Variants in TUSC3 observed in about 807,000 individuals in gnomAD.
TUSC3 encodes the protein dolichyl-diphosphooligosaccharide--protein glycosyltransferase subunit TUSC3.
In TUSC3, 45 loss-of-function variants were observed where a neutral mutation model predicts 44.8. That is an observed-to-expected ratio of 1.00 (90% CI 0.79 to 1.29). The LOEUF (loss-of-function observed/expected upper bound fraction) is 1.29, where lower values mean the gene tolerates loss of function less well. Ranked by LOEUF, TUSC3 falls within the 50% of genes most tolerant of loss-of-function variation. The pLI, the probability that TUSC3 is intolerant of heterozygous loss-of-function variation, is 0.00. For missense variants in TUSC3, 519 were observed against 437.9 expected (o/e 1.19, Z -1.65); for synonymous variants, 212 against 152.9 (o/e 1.39, Z -2.85).
At chr8:15,848,429 C>T in the TUSC3 span, among the ~76,000 whole-genome samples, 1 of 152,262 alleles carries the variant, frequency 6.6e-6, no homozygotes, top group Non-Finnish European at 1.5e-5. Context: ...CCAGGGTGTC[C>T]TGCTTTGTGA....
chr8:15,443,731 T>C (rs1041485631), intron 1 of TUSC3, among the ~76,000 whole-genome samples: 13 of 152,136 alleles, frequency 8.5e-5, no homozygotes, highest in Admixed American at 2.0e-4. Flanking sequence ...TGAGAAATTA[T>C]GGTTTAGGAG....
rs1801919562 is a variant in TUSC3, at chr8:15,547,649, GA to G, written c.138+7082del. 3.0e-5 allele frequency among the ~76,000 whole-genome samples: 3 copies of G among 99,560 alleles called. No homozygotes were observed. In the South Asian group the frequency reaches 1.1e-3, roughly 37 times the overall value. The allele number at this position is 99,560 out of a possible 152,430, so 65.3% of individuals were successfully genotyped here. Reference sequence around the variant, plus strand: ...ATTTATAGGTTGAAATCCTAACTTTGAGTGAGAAAGTATTAGGAGGTGGGGC... The same window carrying G: ...ATTTATAGGTTGAAATCCTAACTTTGGTGAGAAAGTATTAGGAGGTGGGGC... On this transcript the variant is annotated intron_variant, in intron 1 of 10. Transcript: ENST00000503731.
chr8:15,541,618 T>A (rs149277765), intron 1 of TUSC3, among the ~76,000 whole-genome samples: 1 of 152,202 alleles, frequency 6.6e-6, no homozygotes, highest in Non-Finnish European at 1.5e-5. Context: ...CAATTTTAAC[T>A]AATGTACCTC....
At chr8:15,840,017 C>T in the TUSC3 span, among the ~76,000 whole-genome samples, 1 of 152,080 alleles carries the variant, frequency 6.6e-6, no homozygotes, top group Non-Finnish European at 1.5e-5. Flanking sequence ...GAAAATGTGG[C>T]ACATATACAC....
chr8:15,813,029 G>A, the TUSC3 span, among the ~76,000 whole-genome samples: 1 of 152,112 alleles, frequency 6.6e-6, no homozygotes, highest in Non-Finnish European at 1.5e-5. Flanking sequence ...GGGAAGCAGA[G>A]GATGCAGTGA....
chr8:15,469,677 C>T (rs1012360766), intron 1 of TUSC3, among the ~76,000 whole-genome samples: 4 of 152,180 alleles, frequency 2.6e-5, no homozygotes, highest in African/African-American at 9.7e-5. Flanking sequence ...AACTTACGTC[C>T]ATAGAAAAAC....
intron 1 of TUSC3, among the ~76,000 whole-genome samples, chr8:15,423,802 C>G (rs1189703764): frequency 6.6e-6 from 1 of 151,926 alleles, no homozygotes; most frequent in Non-Finnish European, 1.5e-5. Flanking sequence ...ATCCATAAAC[C>G]TGTCTCGCTG....
At chr8:15,533,057 C>T (rs1282302919) in intron 2 of TUSC3, among the ~76,000 whole-genome samples, 1 of 152,182 alleles carries the variant, frequency 6.6e-6, no homozygotes, top group Non-Finnish European at 1.5e-5. Context: ...TCCCAGAGTG[C>T]TGGGATTACA....
chr8:15,667,824 C>T (rs1207535186), intron 5 of TUSC3, among the ~76,000 whole-genome samples: 8 of 151,682 alleles, frequency 5.3e-5, no homozygotes, highest in East Asian at 3.9e-4. Context: ...TATGAAAGTT[C>T]GTTGTATAGA....
rs1563247223 is a variant in TUSC3 at position 15,423,982 on chromosome 8, T to TG, written n.91+6677_91+6678insG. ...CTGTTTTGCTTTGTTTTTTTTTTTT[T>TG]TTTTTTTTTTTTTTTTTTTTTTTTT... is the stretch of plus-strand genomic sequence containing the variant. On this transcript the variant is annotated intron_variant and non_coding_transcript_variant, in intron 1 of 5. Coordinates refer to the TUSC3 transcript ENST00000503191. Among the ~76,000 whole-genome samples, 80 of 115,620 alleles carry TG rather than the reference T, an allele frequency of 6.9e-4. 2 individuals carry two copies. Among genetic ancestry groups the TG allele is most frequent in the South Asian group, 2.5e-3 (8 of 3,146 alleles). 75.9% of individuals were successfully genotyped at this position (115,620 alleles called of 152,430 possible). A position where few individuals can be genotyped will look rare whatever the true frequency, so the allele number is the denominator to read the frequency against.
intron 2 of TUSC3, among the ~76,000 whole-genome samples, chr8:15,491,325 A>T (rs1800806374): frequency 6.6e-6 from 1 of 152,108 alleles, no homozygotes; most frequent in African/African-American, 2.4e-5. Context: ...TTTCCCTGTG[A>T]GTAATACGTG....
intron 1 of TUSC3, among the ~76,000 whole-genome samples, chr8:15,450,025 C>G (rs1435764940): frequency 6.6e-6 from 1 of 152,056 alleles, no homozygotes; most frequent in Non-Finnish European, 1.5e-5. Context: ...TCTAAGTTCC[C>G]TCTGTGATCT....
At chr8:15,599,351 G>A in intron 1 of TUSC3, among the ~76,000 whole-genome samples, 1 of 151,510 alleles carries the variant, frequency 6.6e-6, no homozygotes. Context: ...TGTCTCTTTG[G>A]CAAATATTTT....
chr8:15,448,140 A>G (rs1585793800), intron 1 of TUSC3, among the ~76,000 whole-genome samples: 1 of 9,922 alleles, frequency 1.0e-4, no homozygotes, highest in South Asian at 4.7e-3. Context: ...TATTTTTTAG[A>G]TGGAGTCTTG....
At chr8:15,529,623 C>T (rs900607042) in intron 2 of TUSC3, among the ~76,000 whole-genome samples, 2 of 151,942 alleles carry the variant, frequency 1.3e-5, no homozygotes, top group African/African-American at 4.8e-5. Context: ...GATGTACTAT[C>T]TAACGTATCA....
intron 1 of TUSC3, among the ~76,000 whole-genome samples, chr8:15,609,835 T>C (rs768141347): frequency 1.4e-4 from 22 of 152,074 alleles, no homozygotes; most frequent in Admixed American, 2.0e-4. Flanking sequence ...TTCAACTATT[T>C]ACATGACTTT....
At chr8:15,512,872 G>GTGTGTATATATATATA (rs761482107) in intron 2 of TUSC3, among the ~76,000 whole-genome samples, 10 of 132,286 alleles carry the variant, frequency 7.6e-5, no homozygotes, top group South Asian at 2.5e-4. Flanking sequence ...ATATGTGTGT[G>GTGTGTATATATATATA]TATATATATA....
chr8:15,592,548 T>C (rs1370193741), intron 1 of TUSC3, among the ~76,000 whole-genome samples: 2 of 152,182 alleles, frequency 1.3e-5, no homozygotes, highest in Non-Finnish European at 1.5e-5. Flanking sequence ...TCCTCCTAAC[T>C]CTCTTTTGCT....
At chr8:15,787,804 G>A in the TUSC3 span, among the ~76,000 whole-genome samples, 5 of 152,114 alleles carry the variant, frequency 3.3e-5, no homozygotes, top group African/African-American at 1.2e-4. Context: ...TATTAAGACC[G>A]TTCACGTAAT....
Sources: allele counts gnomAD v4.1 joint callset (sites outside exome capture counted in the v4.1 genomes callset), GRCh38; gene constraint gnomAD v4.1.1; transcripts MANE v1.5; gene names NCBI Gene and HGNC (gene_info 2026-07-23, HGNC 2026-07-21).